The following SEPTIN7 variants were observed in gnomAD, a reference collection of about 807,000 sequenced individuals.
SEPTIN7 encodes the protein septin 7.
In SEPTIN7, 10 loss-of-function variants were observed where a neutral mutation model predicts 63.3. The ratio of observed to expected loss-of-function variants is 0.16; its 90% CI spans 0.10 to 0.27. The LOEUF (loss-of-function observed/expected upper bound fraction) is 0.27. Among genes scored for constraint, SEPTIN7 ranks in the 10% least tolerant of loss-of-function variants. The pLI is 1.00. For synonymous variants in SEPTIN7, 131 were observed against 165.3 expected (o/e 0.79, Z 1.59); for missense variants, 310 against 521.0 (o/e 0.59, Z 3.94).
intron 3 of SEPTIN7, among the ~76,000 whole-genome samples, chr7:35,848,735 T>C (rs2116038815): frequency 6.6e-6 from 1 of 152,296 alleles, no homozygotes; most frequent in Non-Finnish European, 1.5e-5. Context: ...TACTACAAAA[T>C]TGGGATAATC....
chr7:35,814,255 T>G (rs1332784495), intron 1 of SEPTIN7, among the ~76,000 whole-genome samples: 3 of 152,198 alleles, frequency 2.0e-5, no homozygotes, highest in African/African-American at 7.2e-5. Flanking sequence ...GAATAAGAAT[T>G]CAGGTTGTTC....
chr7:35,829,485 A>G (rs1198866441), intron 1 of SEPTIN7, among the ~76,000 whole-genome samples: 1 of 152,156 alleles, frequency 6.6e-6, no homozygotes, highest in Non-Finnish European at 1.5e-5. Context: ...CCACAATTTT[A>G]AAATAATACT....
intron 3 of SEPTIN7, among the ~76,000 whole-genome samples, chr7:35,834,861 G>A (rs1267664837): frequency 1.3e-5 from 2 of 151,770 alleles, no homozygotes; most frequent in South Asian, 2.1e-4. Flanking sequence ...TTCCTTATGA[G>A]CTAAATCCTC....
At position 35,804,827 on chromosome 7, in the gene SEPTIN7, C is replaced by CTTTTTTT. The variant is rs1295875115; in HGVS notation, c.61+3558_61+3564dup. 1.8e-4 allele frequency among the ~76,000 whole-genome samples: 22 copies of CTTTTTTT among 123,628 alleles called. 1 individual carries two copies. Among genetic ancestry groups the CTTTTTTT allele is most frequent in the African/African-American group, 3.8e-4 (12 of 31,578 alleles). The allele number at this position is 123,628 out of a possible 152,430, so 81.1% of individuals were successfully genotyped here. ...ATTATGACAAATGGTAAGCGTGTTTCTTTTTTTGTTTTTTTTTTTTTTTTT... is the reference window on the plus strand; with the variant it reads ...ATTATGACAAATGGTAAGCGTGTTTCTTTTTTTTTTTTTTGTTTTTTTTTTTTTTTTT... On this transcript the variant is annotated intron_variant, in intron 1 of 13. Coordinates refer to ENST00000350320, the MANE Select transcript of SEPTIN7 (RefSeq NM_001788.6).
intron 3 of SEPTIN7, among the ~76,000 whole-genome samples, chr7:35,833,362 G>A (rs1276732010): frequency 1.3e-5 from 2 of 151,956 alleles, no homozygotes; most frequent in Non-Finnish European, 2.9e-5. Flanking sequence ...TTGAATGTAA[G>A]CACTGGAATG....
chr7:35,808,663 A>G (rs1169981258), intron 1 of SEPTIN7, among the ~76,000 whole-genome samples: 1 of 152,222 alleles, frequency 6.6e-6, no homozygotes, highest in Non-Finnish European at 1.5e-5. Flanking sequence ...CTAACATAGT[A>G]GAAGGAGCAA....
chr7:35,879,363 A>T (rs1435776079), intron 6 of SEPTIN7, among the ~76,000 whole-genome samples: 1 of 152,092 alleles, frequency 6.6e-6, no homozygotes, highest in Non-Finnish European at 1.5e-5. Context: ...GTGCACCTGT[A>T]GTCCCAGCTA....
At chr7:35,858,926 C>T (rs544226211) in intron 3 of SEPTIN7, among the ~76,000 whole-genome samples, 63 of 152,124 alleles carry the variant, frequency 4.1e-4, no homozygotes, top group African/African-American at 1.4e-3. Context: ...GTGATCTACC[C>T]TCCTCAGCCT....
At chr7:35,872,578 A>C in intron 4 of SEPTIN7, 88 bp from the exon 5 acceptor site, 1 of 957,288 alleles carries the variant, frequency 1.0e-6, no homozygotes, top group East Asian at 2.4e-5. Flanking sequence ...GTTGGTTTTG[A>C]TAAACTCGAA....
intron 1 of SEPTIN7, among the ~76,000 whole-genome samples, chr7:35,830,628 T>C (rs1433288303): frequency 2.0e-5 from 3 of 152,240 alleles, no homozygotes; most frequent in Non-Finnish European, 4.4e-5. Flanking sequence ...GGAATAATTT[T>C]GTAATTAACT....
rs1417699126 is a variant in SEPTIN7, at chr7:35,831,515, T to A, written c.66+19T>A. The A allele has an allele frequency of 4.5e-6, 2 of 446,384 alleles. No homozygotes were observed. Among genetic ancestry groups the A allele is most frequent in the Non-Finnish European group, 8.8e-6 (2 of 226,096 alleles). 27.7% of individuals were successfully genotyped at this position (446,384 alleles called of 1,614,324 possible). A position where few individuals can be genotyped will look rare whatever the true frequency, so the allele number is the denominator to read the frequency against. On this transcript the variant is annotated intron_variant, in intron 2 of 13. Transcript: ENST00000350320. ...AGTAGCTGTGAGTATACTACATAAT[T>A]TATAGAGTTTTTTTCAGTCTCAGTT...
intron 3 of SEPTIN7, among the ~76,000 whole-genome samples, chr7:35,836,993 C>T (rs1784115091): frequency 6.6e-6 from 1 of 152,018 alleles, no homozygotes; most frequent in Non-Finnish European, 1.5e-5. Flanking sequence ...TTGAATTATA[C>T]ACTTTAAAAT....
intron 3 of SEPTIN7, among the ~76,000 whole-genome samples, chr7:35,860,386 A>G (rs926502916): frequency 8.5e-5 from 13 of 152,232 alleles, no homozygotes; most frequent in African/African-American, 3.1e-4. Flanking sequence ...CTTGCAAACC[A>G]AAATTATAAT....
chr7:35,828,376 C>T (rs1288167968), intron 1 of SEPTIN7, among the ~76,000 whole-genome samples: 8 of 152,030 alleles, frequency 5.3e-5, no homozygotes, highest in African/African-American at 1.9e-4. Flanking sequence ...GCCTCGACCC[C>T]CTTCTTCTTT....
At chr7:35,879,672 C>G (rs765596873) in intron 6 of SEPTIN7, 151 bp from the exon 7 acceptor site, 29 of 591,796 alleles carry the variant, frequency 4.9e-5, no homozygotes, top group Non-Finnish European at 6.9e-5. Flanking sequence ...AAGTCCTGTT[C>G]TACCTAACTT....
intron 6 of SEPTIN7, among the ~76,000 whole-genome samples, chr7:35,877,683 C>T (rs1459610681): frequency 3.3e-5 from 5 of 152,176 alleles, no homozygotes; most frequent in Non-Finnish European, 7.3e-5. Context: ...TTGAGGACTT[C>T]GGTTCTCATT....
intron 10 of SEPTIN7, among the ~76,000 whole-genome samples, chr7:35,889,124 A>G (rs1185832448): frequency 6.6e-6 from 1 of 152,248 alleles, no homozygotes; most frequent in African/African-American, 2.4e-5. Context: ...GGAAATGGTC[A>G]TGGTTGGAAT....
At chr7:35,885,790 TG>T in intron 9 of SEPTIN7, 37 bp from the exon 10 acceptor site, 1 of 1,514,848 alleles carries the variant, frequency 6.6e-7, no homozygotes, top group Non-Finnish European at 9.1e-7. Flanking sequence ...CTAGGTTTAG[TG>T]GAAATATAAC....
intron 11 of SEPTIN7, among the ~76,000 whole-genome samples, chr7:35,896,155 T>A (rs1408110136): frequency 1.3e-5 from 2 of 152,236 alleles, no homozygotes; most frequent in African/African-American, 4.8e-5. Context: ...AGTCTCTTAT[T>A]TTCCCCCCTA....
Sources: allele counts gnomAD v4.1 joint callset (sites outside exome capture counted in the v4.1 genomes callset), GRCh38; gene constraint gnomAD v4.1.1; transcripts MANE v1.5; gene names NCBI Gene and HGNC (gene_info 2026-07-23, HGNC 2026-07-21).